Variants in ZSWIM5 observed in about 807,000 individuals in gnomAD.
ZSWIM5 encodes zinc finger SWIM-type containing 5.
A neutral mutation model predicts 119.6 loss-of-function variants in ZSWIM5; 55 were observed. That is an observed-to-expected ratio of 0.46 (90% CI 0.37 to 0.58). The LOEUF is 0.58. ZSWIM5 is among the 20% of genes least tolerant of loss of function. The pLI is 0.00. For synonymous variants in ZSWIM5, 537 were observed against 606.9 expected, an observed-to-expected ratio of 0.88 and a Z score of 1.69; for missense variants, 1,193 against 1,512.8, an observed-to-expected ratio of 0.79 and a Z score of 3.51.
rs781688003 is a variant in ZSWIM5, at chr1:45,043,412, A to G, written c.1433-17T>C. 6.2e-7 allele frequency: 1 copy of G among 1,613,720 alleles called. No homozygotes were observed. Among genetic ancestry groups the G allele is most frequent in the Admixed American group, 1.7e-5 (1 of 60,014 alleles). On this transcript the variant is annotated splice_polypyrimidine_tract_variant and intron_variant, in intron 5 of 13. Transcript: ENST00000359600. Reference sequence around the variant, plus strand: ...ATAAGGAGTCTGGAGAAAGAAGAACATGCAGCAGTACAGTGACAGGCAATT... The same window carrying G: ...ATAAGGAGTCTGGAGAAAGAAGAACGTGCAGCAGTACAGTGACAGGCAATT...
chr1:45,033,618 T>A (rs1644965390), intron 11 of ZSWIM5, among the ~76,000 whole-genome samples: 1 of 152,078 alleles, frequency 6.6e-6, no homozygotes, highest in African/African-American at 2.4e-5. Flanking sequence ...AATCACCAAC[T>A]CTTATATCTG....
chr1:45,131,620 G>C (rs987974266), intron 1 of ZSWIM5, among the ~76,000 whole-genome samples: 8 of 151,456 alleles, frequency 5.3e-5, no homozygotes, highest in African/African-American at 1.9e-4. Context: ...AGCTACTCGG[G>C]AGGCTGAGGC....
intron 2 of ZSWIM5, among the ~76,000 whole-genome samples, chr1:45,083,079 C>A (rs77720553): frequency 0.021 from 3,126 of 152,048 alleles, 115 homozygotes; most frequent in African/African-American, 0.072. Flanking sequence ...AGGAGGTCAG[C>A]GTAGAACAGC....
chr1:45,165,184 A>G (rs546921888), intron 1 of ZSWIM5, among the ~76,000 whole-genome samples: 91 of 152,268 alleles, frequency 6.0e-4, no homozygotes, highest in African/African-American at 2.2e-3. Context: ...GCTCGAGTAC[A>G]TGGAAACTAA....
At chr1:45,039,807 C>A (rs1003449805) in intron 7 of ZSWIM5, among the ~76,000 whole-genome samples, 2 of 151,972 alleles carry the variant, frequency 1.3e-5, no homozygotes, top group Non-Finnish European at 1.5e-5. Context: ...TGGGTTCCAG[C>A]GATTCTTCTG....
At chr1:45,092,077 C>T (rs1645369053) in intron 1 of ZSWIM5, among the ~76,000 whole-genome samples, 1 of 152,178 alleles carries the variant, frequency 6.6e-6, no homozygotes, top group African/African-American at 2.4e-5. Context: ...TAGTGACTAT[C>T]ACTGAATTTC....
intron 11 of ZSWIM5, among the ~76,000 whole-genome samples, chr1:45,024,069 TTGAGTTTTA>T (rs1407157921): frequency 1.3e-5 from 2 of 152,206 alleles, no homozygotes; most frequent in Non-Finnish European, 2.9e-5. Context: ...TTTCTTATTG[TTGAGTTTTA>T]AGAGTTTTTT....
At chr1:45,133,499 T>G (rs1645671442) in intron 1 of ZSWIM5, among the ~76,000 whole-genome samples, 4 of 152,328 alleles carry the variant, frequency 2.6e-5, no homozygotes, top group Admixed American at 2.0e-4. Flanking sequence ...CTTTGTAGAT[T>G]CTGGATATTA....
chr1:45,175,618 T>A (rs1645975401), intron 1 of ZSWIM5, among the ~76,000 whole-genome samples: 1 of 151,990 alleles, frequency 6.6e-6, no homozygotes, highest in East Asian at 1.9e-4. Flanking sequence ...GCCCGGCTAA[T>A]TTTTTAAAAT....
At chr1:45,188,703 C>T (rs1241827474) in intron 1 of ZSWIM5, among the ~76,000 whole-genome samples, 1 of 152,172 alleles carries the variant, frequency 6.6e-6, no homozygotes, top group African/African-American at 2.4e-5. Flanking sequence ...TTCAAGGCCT[C>T]ATTAGGCAGC....
intron 2 of ZSWIM5, among the ~76,000 whole-genome samples, chr1:45,070,628 A>AT (rs1645216221): frequency 6.6e-6 from 1 of 152,136 alleles, no homozygotes; most frequent in Non-Finnish European, 1.5e-5. Flanking sequence ...TCAAAGTTTT[A>AT]TTCTTTCTGC....
chr1:45,136,628 T>C (rs1294410404), intron 1 of ZSWIM5, among the ~76,000 whole-genome samples: 3 of 152,206 alleles, frequency 2.0e-5, no homozygotes, highest in African/African-American at 7.2e-5. Flanking sequence ...AGTTATTGTA[T>C]ATGGAAAACT....
intron 1 of ZSWIM5, among the ~76,000 whole-genome samples, chr1:45,200,896 C>CA (rs923231415): frequency 6.6e-6 from 1 of 152,066 alleles, no homozygotes; most frequent in African/African-American, 2.4e-5. Context: ...TGTCACCCCC[C>CA]AAAAAATATG....
chr1:45,119,912 A>G (rs1201620312), intron 1 of ZSWIM5, among the ~76,000 whole-genome samples: 1 of 152,144 alleles, frequency 6.6e-6, no homozygotes, highest in Non-Finnish European at 1.5e-5. Context: ...TCTTTATCAC[A>G]TCCACTCTCT....
intron 1 of ZSWIM5, among the ~76,000 whole-genome samples, chr1:45,155,700 CCA>C (rs1645822962): frequency 6.6e-6 from 1 of 152,132 alleles, no homozygotes; most frequent in Admixed American, 6.5e-5. Flanking sequence ...ATACACGCAG[CCA>C]TAAAAAGGAA....
At chr1:45,044,718 C>T (rs1368047908) in intron 5 of ZSWIM5, among the ~76,000 whole-genome samples, 2 of 12,666 alleles carry the variant, frequency 1.6e-4, no homozygotes, top group East Asian at 2.2e-3. Flanking sequence ...AGCCAGACTC[C>T]GTCTCAAAAA....
chr1:45,180,521 A>C (rs1646010249), intron 1 of ZSWIM5, among the ~76,000 whole-genome samples: 1 of 152,196 alleles, frequency 6.6e-6, no homozygotes, highest in African/African-American at 2.4e-5. Context: ...ACAAACAAAA[A>C]GACAGCAGTA....
At chr1:45,196,045 T>G (rs904184501) in intron 1 of ZSWIM5, among the ~76,000 whole-genome samples, 9 of 145,620 alleles carry the variant, frequency 6.2e-5, no homozygotes, top group Non-Finnish European at 6.0e-5. Context: ...TTTTTTTTTT[T>G]TTTTTTTTTT....
chr1:45,182,904 G>C (rs1465144036), intron 1 of ZSWIM5, among the ~76,000 whole-genome samples: 1 of 151,544 alleles, frequency 6.6e-6, no homozygotes, highest in East Asian at 1.9e-4. Flanking sequence ...AGACCTAATA[G>C]ACATCTACAG....
Sources: gnomAD v4.1 joint callset for allele counts (sites outside exome capture counted in the v4.1 genomes callset) on GRCh38, gnomAD v4.1.1 for gene constraint, MANE v1.5 for transcripts, NCBI Gene and HGNC (gene_info 2026-07-23, HGNC 2026-07-21) for gene names.